The following SGCZ variants were observed in gnomAD, a reference collection of about 807,000 sequenced individuals.
The protein encoded by SGCZ is sarcoglycan zeta.
In SGCZ, 40 loss-of-function variants were observed where a neutral mutation model predicts 41.3. The ratio of observed to expected loss-of-function variants is 0.97; its 90% CI spans 0.75 to 1.26. The LOEUF (loss-of-function observed/expected upper bound fraction) is 1.26, where lower values mean the gene tolerates loss of function less well. Ranked by LOEUF, SGCZ falls within the 50% of genes most tolerant of loss-of-function variation. The probability of loss-of-function intolerance (pLI) is 0.00; values close to 1 mark genes in which losing one functional copy is unlikely to be tolerated. For synonymous variants in SGCZ, 206 were observed against 137.5 expected, an observed-to-expected ratio of 1.50 and a Z score of -3.49; for missense variants, 552 against 369.8, an observed-to-expected ratio of 1.49 and a Z score of -4.04.
intron 1 of SGCZ, among the ~76,000 whole-genome samples, chr8:14,915,722 C>A (rs531588181): frequency 4.6e-4 from 70 of 152,116 alleles, no homozygotes; most frequent in Non-Finnish European, 8.7e-4. Flanking sequence ...CCTTCTCCAG[C>A]CTGCCTATAA....
At chr8:14,137,893 T>G (rs1016120151) in intron 5 of SGCZ, among the ~76,000 whole-genome samples, 1 of 151,770 alleles carries the variant, frequency 6.6e-6, no homozygotes, top group African/African-American at 2.4e-5. Context: ...TTCACCAAAG[T>G]TGAAATGAAG....
chr8:14,878,237 T>G (rs555162017), intron 1 of SGCZ, among the ~76,000 whole-genome samples: 1 of 151,992 alleles, frequency 6.6e-6, no homozygotes, highest in Admixed American at 6.6e-5. Flanking sequence ...GCTAACACAT[T>G]TAAAAGACAA....
chr8:14,939,988 C>G (rs1800216526), intron 1 of SGCZ, among the ~76,000 whole-genome samples: 1 of 152,120 alleles, frequency 6.6e-6, no homozygotes, highest in African/African-American at 2.4e-5. Flanking sequence ...GGGATTAGCA[C>G]AGCAGACAGT....
intron 2 of SGCZ, among the ~76,000 whole-genome samples, chr8:14,550,037 C>A (rs542254369): frequency 6.6e-6 from 1 of 152,074 alleles, no homozygotes; most frequent in East Asian, 1.9e-4. Context: ...CTTCTAGACG[C>A]TAGAACCTAG....
At chr8:14,497,926 A>G (rs1286472141) in intron 2 of SGCZ, among the ~76,000 whole-genome samples, 1 of 152,206 alleles carries the variant, frequency 6.6e-6, no homozygotes, top group East Asian at 1.9e-4. Context: ...ACAACCATTT[A>G]CTTTCCCATC....
chr8:15,134,283 T>C (rs141341081), intron 1 of SGCZ, among the ~76,000 whole-genome samples: 22 of 147,980 alleles, frequency 1.5e-4, no homozygotes, highest in African/African-American at 5.1e-4. Flanking sequence ...TAAATGTAAA[T>C]ATACAATAGG....
chr8:15,128,706 C>T (rs1807793643), intron 1 of SGCZ, among the ~76,000 whole-genome samples: 1 of 152,206 alleles, frequency 6.6e-6, no homozygotes, highest in Non-Finnish European at 1.5e-5. Flanking sequence ...CCCCACAAAA[C>T]TTAGATAAGA....
chr8:14,427,847 T>A (rs1278762454), intron 2 of SGCZ, among the ~76,000 whole-genome samples: 1 of 151,960 alleles, frequency 6.6e-6, no homozygotes, highest in East Asian at 1.9e-4. Flanking sequence ...ATTCAACCAA[T>A]CATGGATGAA....
intron 1 of SGCZ, among the ~76,000 whole-genome samples, chr8:14,977,484 C>A (rs576776855): frequency 4.6e-5 from 7 of 152,166 alleles, no homozygotes; most frequent in Non-Finnish European, 1.0e-4. Flanking sequence ...TACTTTCTTT[C>A]ATCCACATCA....
intron 2 of SGCZ, among the ~76,000 whole-genome samples, chr8:14,397,540 A>T (rs1025847655): frequency 1.3e-5 from 2 of 152,140 alleles, no homozygotes; most frequent in African/African-American, 4.8e-5. Context: ...TCCACTGTAC[A>T]CAAAAGCCAG....
At chr8:14,272,074 G>A (rs1357943997) in intron 3 of SGCZ, among the ~76,000 whole-genome samples, 1 of 152,106 alleles carries the variant, frequency 6.6e-6, no homozygotes, top group Non-Finnish European at 1.5e-5. Context: ...CACAATCTTG[G>A]CTCACTGCAA....
chr8:14,786,361 T>C (rs1563268497), intron 1 of SGCZ, among the ~76,000 whole-genome samples: 1 of 152,138 alleles, frequency 6.6e-6, no homozygotes, highest in Non-Finnish European at 1.5e-5. Flanking sequence ...ATGTCCTGTA[T>C]AATGAGCCCA....
At chr8:15,160,317 T>G (rs1047222855) in intron 1 of SGCZ, among the ~76,000 whole-genome samples, 11 of 152,210 alleles carry the variant, frequency 7.2e-5, no homozygotes, top group Non-Finnish European at 1.5e-4. Context: ...TGTGTCAGAA[T>G]CACCATCCTT....
At chr8:14,691,124 A>T (rs568953469) in intron 1 of SGCZ, among the ~76,000 whole-genome samples, 7 of 152,194 alleles carry the variant, frequency 4.6e-5, no homozygotes, top group Non-Finnish European at 1.0e-4. Flanking sequence ...CTCTCCACTT[A>T]AACAAATTCC....
chr8:14,109,373 G>C (rs553203276), intron 5 of SGCZ, among the ~76,000 whole-genome samples: 1 of 152,060 alleles, frequency 6.6e-6, no homozygotes, highest in African/African-American at 2.4e-5. Flanking sequence ...GGAAAAAAAT[G>C]TTCCAAATAA....
At chr8:14,287,124 A>G (rs1331734360) in intron 3 of SGCZ, among the ~76,000 whole-genome samples, 1 of 121,498 alleles carries the variant, frequency 8.2e-6, no homozygotes, top group Non-Finnish European at 1.8e-5. Flanking sequence ...TTTGAGTCAA[A>G]TAGCACATAC....
chr8:14,728,253 T>C (rs1486001086), intron 1 of SGCZ, among the ~76,000 whole-genome samples: 1 of 151,784 alleles, frequency 6.6e-6, no homozygotes, highest in Non-Finnish European at 1.5e-5. Flanking sequence ...TTAACAGGAC[T>C]TAATTGTTGA....
intron 2 of SGCZ, among the ~76,000 whole-genome samples, chr8:14,386,002 G>A (rs944889521): frequency 6.6e-6 from 1 of 152,018 alleles, no homozygotes; most frequent in Non-Finnish European, 1.5e-5. Flanking sequence ...GTAAATCGCT[G>A]TTATACTCTA....
chr8:14,807,309 A>G (rs1236827311), intron 1 of SGCZ, among the ~76,000 whole-genome samples: 1 of 152,146 alleles, frequency 6.6e-6, no homozygotes, highest in Non-Finnish European at 1.5e-5. Context: ...TGCAGACGAC[A>G]TGATTGTATA....
Sources: gnomAD v4.1 joint callset for allele counts (sites outside exome capture counted in the v4.1 genomes callset) on GRCh38, gnomAD v4.1.1 for gene constraint, MANE v1.5 for transcripts, NCBI Gene and HGNC (gene_info 2026-07-23, HGNC 2026-07-21) for gene names.